ABCC1: variants seen among roughly 807,000 people sequenced by gnomAD.
ABCC1 encodes the protein ATP binding cassette subfamily C member 1 (ABCC1 blood group).
ABCC1 carries 83 observed loss-of-function variants against 172.9 expected under a neutral mutation model. The ratio of observed to expected loss-of-function variants is 0.48; its 90% CI spans 0.40 to 0.58. The LOEUF is 0.58. ABCC1 is among the 20% of genes least tolerant of loss of function. The pLI, the probability that ABCC1 is intolerant of heterozygous loss-of-function variation, is 0.00. For missense variants in ABCC1, 1,817 were observed against 2,002.7 expected (o/e 0.91, Z 1.77); for synonymous variants, 937 against 825.2 (o/e 1.14, Z -2.32).
intron 1 of ABCC1, among the ~76,000 whole-genome samples, chr16:15,966,099 A>C (rs956742416): frequency 2.0e-5 from 3 of 152,070 alleles, no homozygotes; most frequent in African/African-American, 7.2e-5. Flanking sequence ...GTTATTATTC[A>C]GAGTGGACGA....
intron 1 of ABCC1, among the ~76,000 whole-genome samples, chr16:15,955,264 G>A (rs557738347): frequency 2.0e-5 from 3 of 152,306 alleles, no homozygotes; most frequent in African/African-American, 7.2e-5. Flanking sequence ...GCTGAGGCAG[G>A]AGAATCGCTT....
At chr16:16,084,084 C>G (rs528808634) in intron 17 of ABCC1, among the ~76,000 whole-genome samples, 1 of 152,164 alleles carries the variant, frequency 6.6e-6, no homozygotes, top group East Asian at 1.9e-4. Context: ...TTTTCTCTTT[C>G]TTTTCTTTCT....
At chr16:16,102,860 T>C in intron 20 of ABCC1, 143 bp downstream of exon 20, 3 of 774,842 alleles carry the variant, frequency 3.9e-6, no homozygotes, top group Non-Finnish European at 6.2e-6. Context: ...TCCAAGGACC[T>C]TGCTTTTCAG....
Position 16,086,875 on chromosome 16 carries a change from G to A in ABCC1, c.2344G>A (p.Val782Met), listed in dbSNP as rs376727124. ...QKQRVSLARA[V>M]YSNADIYLFD... ...GCAGCGCGTGAGCCTGGCCCGGGCCGTGTACTCCAACGCTGACATTTACCT... is the reference window on the plus strand; with the variant it reads ...GCAGCGCGTGAGCCTGGCCCGGGCCATGTACTCCAACGCTGACATTTACCT... Residue 782 changes from valine (V) to methionine (M), a missense_variant, in exon 18 of 31, where the codon GTG becomes ATG. By Grantham distance (21) the Val-to-Met change is conservative. Transcript: ENST00000399410. 58 of 1,614,042 alleles carry A rather than the reference G, an allele frequency of 3.6e-5. No individual in the cohort carries two copies. In the Middle Eastern group the frequency reaches 4.9e-4, roughly 14 times the overall value.
At chr16:16,140,612 T>G (rs2046089703) in intron 30 of ABCC1, among the ~76,000 whole-genome samples, 1 of 152,194 alleles carries the variant, frequency 6.6e-6, no homozygotes, top group Non-Finnish European at 1.5e-5. Flanking sequence ...TGTCAAATCT[T>G]ACAGGACCTA....
chr16:16,127,704 C>T (rs188652922), intron 26 of ABCC1, among the ~76,000 whole-genome samples: 1 of 152,186 alleles, frequency 6.6e-6, no homozygotes, highest in Non-Finnish European at 1.5e-5. Flanking sequence ...GGGAGTGAGA[C>T]CAAGGCCTCT....
chr16:16,038,633 A>G (rs550957221), intron 7 of ABCC1, among the ~76,000 whole-genome samples: 14 of 152,308 alleles, frequency 9.2e-5, no homozygotes, highest in Admixed American at 7.8e-4. Context: ...CCTCACAGAC[A>G]CACCCAGAAA....
chr16:16,000,100 G>A (rs562876097), intron 1 of ABCC1, among the ~76,000 whole-genome samples: 55 of 151,192 alleles, frequency 3.6e-4, no homozygotes, highest in East Asian at 5.9e-4. Flanking sequence ...TGATCTGCCC[G>A]CCTCGGTCTC....
intron 28 of ABCC1, among the ~76,000 whole-genome samples, chr16:16,135,967 A>G (rs924503542): frequency 1.3e-5 from 2 of 151,214 alleles, no homozygotes; most frequent in African/African-American, 2.4e-5. Flanking sequence ...AGGAAGTTGT[A>G]TGGAAAGGAA....
At chr16:16,110,569 A>C (rs1024921229) in intron 21 of ABCC1, among the ~76,000 whole-genome samples, 2 of 151,066 alleles carry the variant, frequency 1.3e-5, no homozygotes, top group African/African-American at 4.9e-5. Context: ...TTTGTATTTT[A>C]GTAGGCAAGG....
chr16:16,033,053 AAAGTC>A, intron 5 of ABCC1, 51 bp from the exon 6 acceptor site: 1 of 1,563,634 alleles, frequency 6.4e-7, no homozygotes, highest in Non-Finnish European at 8.8e-7. Context: ...ACCTGGATGA[AAAGTC>A]AAATCATTCC....
chr16:16,088,009 CAT>C (rs1180905419), intron 18 of ABCC1, among the ~76,000 whole-genome samples: 2 of 152,052 alleles, frequency 1.3e-5, no homozygotes, highest in African/African-American at 4.8e-5. Flanking sequence ...TCTGTGTAAA[CAT>C]ATTTTAAAAT....
chr16:16,076,264 T>C (rs1010269083), intron 14 of ABCC1, 62 bp from the exon 15 acceptor site: 1 of 1,487,088 alleles, frequency 6.7e-7, no homozygotes, highest in Non-Finnish European at 9.3e-7. Context: ...AGAAAGAGAG[T>C]GTTCTGTGCA....
chr16:16,092,474 A>G (rs1465644800), intron 19 of ABCC1, among the ~76,000 whole-genome samples: 1 of 152,206 alleles, frequency 6.6e-6, no homozygotes, highest in Non-Finnish European at 1.5e-5. Flanking sequence ...TATAAATGCC[A>G]TCACAATAGG....
chr16:16,065,877 G>A (rs1401826837), intron 12 of ABCC1, among the ~76,000 whole-genome samples: 3 of 152,182 alleles, frequency 2.0e-5, no homozygotes, highest in Admixed American at 6.5e-5. Flanking sequence ...CATGCCGATC[G>A]AAATGTATTT....
intron 1 of ABCC1, among the ~76,000 whole-genome samples, chr16:15,977,648 G>A (rs2046525396): frequency 6.6e-6 from 1 of 152,124 alleles, no homozygotes; most frequent in Admixed American, 6.5e-5. Flanking sequence ...ATGGAGGTCT[G>A]TGTTGCCTAG....
chr16:15,997,671 T>C (rs938956750), intron 1 of ABCC1, among the ~76,000 whole-genome samples: 2 of 152,078 alleles, frequency 1.3e-5, no homozygotes, highest in African/African-American at 4.8e-5. Context: ...CCTTTAGGTA[T>C]TGCCCATTAT....
At chr16:16,102,758 C>A (rs780260729) in intron 20 of ABCC1, 41 bp downstream of exon 20, 4 of 1,539,932 alleles carry the variant, frequency 2.6e-6, no homozygotes, top group Non-Finnish European at 2.6e-6. Context: ...GGACCCTGCC[C>A]TGCCAGTGGG....
chr16:16,020,453 G>T (rs1374344210), intron 5 of ABCC1, among the ~76,000 whole-genome samples: 1 of 152,144 alleles, frequency 6.6e-6, no homozygotes, highest in Non-Finnish European at 1.5e-5. Context: ...GTAGCCCATG[G>T]GCCGAATCTG....
Sources: gnomAD v4.1 joint callset for allele counts (sites outside exome capture counted in the v4.1 genomes callset) on GRCh38, gnomAD v4.1.1 for gene constraint, MANE v1.5 for transcripts, NCBI Gene and HGNC (gene_info 2026-07-23, HGNC 2026-07-21) for gene names.